The following PREX2 variants were observed in gnomAD, a reference collection of about 807,000 sequenced individuals.
PREX2 encodes the protein phosphatidylinositol-3,4,5-trisphosphate dependent Rac exchange factor 2.
PREX2 carries 107 observed loss-of-function variants against 203.2 expected under a neutral mutation model. The ratio of observed to expected loss-of-function variants is 0.53; its 90% CI spans 0.45 to 0.62. The LOEUF is 0.62. Ranked by LOEUF, PREX2 falls within the 20% of genes least tolerant of loss-of-function variation. The probability of loss-of-function intolerance (pLI) is 0.00; values close to 1 mark genes in which losing one functional copy is unlikely to be tolerated. For synonymous variants in PREX2, 672 were observed against 663.6 expected (o/e 1.01, Z -0.19); for missense variants, 1,777 against 1,955.9 (o/e 0.91, Z 1.72).
rs1285932271 is a variant in PREX2 at position 68,090,596 on chromosome 8, G to A, written c.2131G>A (p.Ala711Thr). 6 of 1,607,784 alleles carry A rather than the reference G, an allele frequency of 3.7e-6. No individual in the cohort carries two copies. The change falls in exon 20 of 40, where the codon GCT becomes ACT. Residue 711 changes from alanine (A) to threonine (T), a missense_variant. By Grantham distance (58) the Ala-to-Thr change is moderately conservative. Coordinates refer to ENST00000288368, the MANE Select transcript of PREX2 (RefSeq NM_024870.4). ...AVGRGTVAAAAGLHPGQCIIK... is the reference protein window; with the variant it reads ...AVGRGTVAAATGLHPGQCIIK... ...ATTTATAGGAACTGTGGCTGCAGCA[G>A]CTGGTCTTCACCCTGGACAGTGCAT... is the stretch of plus-strand genomic sequence containing the variant.
At chr8:68,109,668 C>A (rs1241357656) in intron 25 of PREX2, 45 bp downstream of exon 25, 2 of 1,512,206 alleles carry the variant, frequency 1.3e-6, no homozygotes, top group Non-Finnish European at 9.1e-7. Context: ...AATAAAATAG[C>A]CATAAAAATG....
chr8:68,133,026 A>C (rs538394450), intron 31 of PREX2, among the ~76,000 whole-genome samples: 1 of 152,304 alleles, frequency 6.6e-6, no homozygotes, highest in East Asian at 1.9e-4. Context: ...TGGGTACTTT[A>C]TAAAGGAAAG....
At chr8:68,132,565 A>G (rs541792605) in intron 31 of PREX2, among the ~76,000 whole-genome samples, 116 of 152,288 alleles carry the variant, frequency 7.6e-4, no homozygotes, top group African/African-American at 2.6e-3. Flanking sequence ...TAGAAACTAA[A>G]TTATGTGTAC....
chr8:68,161,356 G>A (rs1563570476), intron 35 of PREX2, among the ~76,000 whole-genome samples: 1 of 152,102 alleles, frequency 6.6e-6, no homozygotes, highest in Non-Finnish European at 1.5e-5. Context: ...GCCTCCTAAA[G>A]TGTTGGGATT....
intron 21 of PREX2, among the ~76,000 whole-genome samples, chr8:68,095,393 C>G (rs1434765): frequency 6.6e-6 from 1 of 151,678 alleles, no homozygotes; most frequent in Non-Finnish European, 1.5e-5. Flanking sequence ...ACATAAACTC[C>G]GTTATGTTCT....
At chr8:68,097,386 G>A (rs562634282) in intron 22 of PREX2, among the ~76,000 whole-genome samples, 185 bp downstream of exon 22, 4 of 151,224 alleles carry the variant, frequency 2.6e-5, no homozygotes, top group South Asian at 2.1e-4. Context: ...GTGCAGTGGC[G>A]TGATCTCGGC....
intron 25 of PREX2, among the ~76,000 whole-genome samples, chr8:68,114,591 T>C (rs1248693239): frequency 1.3e-5 from 2 of 152,224 alleles, no homozygotes; most frequent in African/African-American, 4.8e-5. Context: ...GCCTAGAGTG[T>C]TGGAGTCAGC....
intron 34 of PREX2, among the ~76,000 whole-genome samples, chr8:68,152,289 GAA>G (rs573525316): frequency 2.6e-4 from 19 of 72,916 alleles, no homozygotes; most frequent in African/African-American, 9.0e-4. Flanking sequence ...CCCTCTCAGA[GAA>G]AAAAAAAAAA....
At chr8:67,997,947 T>A (rs2129609655) in intron 1 of PREX2, among the ~76,000 whole-genome samples, 1 of 152,312 alleles carries the variant, frequency 6.6e-6, no homozygotes, top group South Asian at 2.1e-4. Context: ...AAGATTTTTA[T>A]CGTGGTATTT....
At chr8:68,076,538 A>AAGGT (rs1809354470) in intron 14 of PREX2, among the ~76,000 whole-genome samples, 1 of 152,100 alleles carries the variant, frequency 6.6e-6, no homozygotes, top group Non-Finnish European at 1.5e-5. Context: ...ACACCATATG[A>AAGGT]AGGTATTGAC....
intron 1 of PREX2, among the ~76,000 whole-genome samples, chr8:67,986,165 A>G (rs940535186): frequency 7.9e-5 from 12 of 152,204 alleles, no homozygotes; most frequent in African/African-American, 2.9e-4. Flanking sequence ...TGGGATAACC[A>G]GGTTATATTG....
rs1224782750 is a variant in PREX2 at position 68,097,226 on chromosome 8, G to A, written c.2553+25G>A. The A allele has an allele frequency of 3.2e-6, 5 of 1,569,742 alleles. No homozygotes were observed. The South Asian group carries it at 3.5e-5, about 11-fold the overall frequency. ...GGTAGGAGCGATGCTGAAGAAATAA[G>A]ATTTTTTGTTCTAAATAAAGGAACT... On this transcript the variant is annotated intron_variant, in intron 22 of 39. Transcript: ENST00000288368.
intron 39 of PREX2, 137 bp downstream of exon 39, chr8:68,224,763 C>A: frequency 1.6e-6 from 1 of 621,910 alleles, no homozygotes. Flanking sequence ...GCCCTTGAAA[C>A]ACCCAATGGC....
chr8:67,961,330 A>T (rs1355941285), intron 1 of PREX2, among the ~76,000 whole-genome samples: 3 of 152,152 alleles, frequency 2.0e-5, no homozygotes, highest in African/African-American at 7.2e-5. Context: ...CTTCATTAAA[A>T]GTGTTATTAA....
chr8:68,081,152 G>A (rs372866069), intron 17 of PREX2, among the ~76,000 whole-genome samples: 1 of 152,108 alleles, frequency 6.6e-6, no homozygotes, highest in Non-Finnish European at 1.5e-5. Context: ...GAGGGTGGGG[G>A]ATGGTTTTGG....
intron 39 of PREX2, among the ~76,000 whole-genome samples, chr8:68,228,682 C>T (rs12682450): frequency 0.11 from 16,021 of 151,828 alleles, 1,698 homozygotes; most frequent in East Asian, 0.46. Flanking sequence ...AGGAGAATCT[C>T]CTGAACCCAG....
chr8:68,093,451 A>G (rs1359219664), intron 20 of PREX2, among the ~76,000 whole-genome samples, 154 bp from the exon 21 acceptor site: 4 of 150,384 alleles, frequency 2.7e-5, no homozygotes, highest in Non-Finnish European at 3.0e-5. Flanking sequence ...ATTGTCCTTG[A>G]GTTTTTATTA....
intron 39 of PREX2, among the ~76,000 whole-genome samples, chr8:68,228,967 A>T (rs943077699): frequency 2.5e-4 from 23 of 92,208 alleles, no homozygotes; most frequent in Admixed American, 7.7e-4. Flanking sequence ...AAAAAAAAAA[A>T]GAAAGAAAAA....
At chr8:68,209,654 A>G (rs1173341293) in intron 37 of PREX2, among the ~76,000 whole-genome samples, 1 of 152,174 alleles carries the variant, frequency 6.6e-6, no homozygotes, top group Non-Finnish European at 1.5e-5. Flanking sequence ...TAAAAAACAA[A>G]ATCAGATTGT....
Sources: allele counts gnomAD v4.1 joint callset (sites outside exome capture counted in the v4.1 genomes callset), GRCh38; gene constraint gnomAD v4.1.1; transcripts MANE v1.5; gene names NCBI Gene and HGNC (gene_info 2026-07-23, HGNC 2026-07-21).